Variants in SLC12A8 observed in about 807,000 individuals in gnomAD.
The protein encoded by SLC12A8 is cation-chloride cotransporter 9.
In SLC12A8, 69 loss-of-function variants were observed where a neutral mutation model predicts 75.6. That is an observed-to-expected ratio of 0.91 (90% CI 0.75 to 1.11). The LOEUF (loss-of-function observed/expected upper bound fraction) is 1.11, where lower values mean the gene tolerates loss of function less well. SLC12A8 is among the 50% of genes most tolerant of loss of function. The pLI is 0.00. For synonymous variants in SLC12A8, 365 were observed against 372.8 expected (o/e 0.98, Z 0.24); for missense variants, 877 against 896.7 (o/e 0.98, Z 0.28).
In SLC12A8 at chr3:125,187,356, A is replaced by T; in HGVS notation, c.271T>A (p.Ser91Thr). Reference sequence around the variant, plus strand: ...CTGCGCTCCCCGACGCCAATGCCAGACAGCACCGTGACGAGGGCCACCAGG... The same window carrying T: ...CTGCGCTCCCCGACGCCAATGCCAGTCAGCACCGTGACGAGGGCCACCAGG... Reference protein sequence around the residue: ...VILVALVTVLSGIGVGERSSI... With the variant: ...VILVALVTVLTGIGVGERSSI... Residue 91 changes from serine (S) to threonine (T), a missense_variant, in exon 4 of 14, where the codon TCT (serine) becomes ACT (threonine). Physicochemically the swap from Ser to Thr is moderately conservative, Grantham distance 58. Coordinates refer to ENST00000469902, the MANE Select transcript of SLC12A8 (RefSeq NM_024628.6). The T allele has an allele frequency of 1.9e-6, 3 of 1,614,178 alleles. No individual in the cohort carries two copies. Among genetic ancestry groups the T allele is most frequent in the Non-Finnish European group, 2.5e-6 (3 of 1,180,036 alleles).
chr3:125,123,217 A>T (rs1322674785), intron 6 of SLC12A8, among the ~76,000 whole-genome samples: 1 of 152,096 alleles, frequency 6.6e-6, no homozygotes, highest in East Asian at 1.9e-4. Flanking sequence ...TCTACTAAAA[A>T]TGCAAAAAGT....
intron 13 of SLC12A8, among the ~76,000 whole-genome samples, chr3:125,084,552 C>G (rs753796534): frequency 6.6e-6 from 1 of 152,206 alleles, no homozygotes; most frequent in Non-Finnish European, 1.5e-5. Context: ...GCTTTTGACA[C>G]CAAGGTGGCC....
At chr3:125,180,411 T>C (rs1453310572) in intron 4 of SLC12A8, among the ~76,000 whole-genome samples, 1 of 151,816 alleles carries the variant, frequency 6.6e-6, no homozygotes, top group Non-Finnish European at 1.5e-5. Context: ...GCTCATAGAG[T>C]TGTAGAAACA....
chr3:125,096,306 T>C (rs1226852865), intron 10 of SLC12A8, among the ~76,000 whole-genome samples: 1 of 152,230 alleles, frequency 6.6e-6, no homozygotes, highest in African/African-American at 2.4e-5. Flanking sequence ...GGTCTCTCTT[T>C]ATCCCATTAC....
At chr3:125,136,059 T>C (rs546741419) in intron 5 of SLC12A8, among the ~76,000 whole-genome samples, 1 of 152,348 alleles carries the variant, frequency 6.6e-6, no homozygotes, top group Non-Finnish European at 1.5e-5. Flanking sequence ...TTTTGCTTCA[T>C]AGACTTTAAT....
intron 6 of SLC12A8, among the ~76,000 whole-genome samples, chr3:125,129,178 C>A (rs567704140): frequency 1.6e-4 from 24 of 152,314 alleles, no homozygotes; most frequent in Admixed American, 1.2e-3. Context: ...AATCTGGGAA[C>A]AAGGGTTACA....
At chr3:125,184,447 C>T (rs1172003153) in intron 4 of SLC12A8, among the ~76,000 whole-genome samples, 1 of 152,128 alleles carries the variant, frequency 6.6e-6, no homozygotes, top group Non-Finnish European at 1.5e-5. Context: ...TCTGTGGCTG[C>T]ATTCACACTA....
intron 6 of SLC12A8, among the ~76,000 whole-genome samples, chr3:125,133,669 G>A (rs144260581): frequency 0.011 from 1,659 of 151,892 alleles, 30 homozygotes; most frequent in African/African-American, 0.037. Flanking sequence ...CAGGTGATCC[G>A]GCTGCCTCAG....
chr3:125,190,227 C>T (rs76742851), intron 3 of SLC12A8, 148 bp downstream of exon 3: 16,378 of 812,932 alleles, frequency 0.02, 264 homozygotes, highest in East Asian at 0.067. Context: ...ACAAGCAATG[C>T]TAGCTATTCA....
rs377284521 is a variant in SLC12A8, at chr3:125,092,100, C to A, written c.1803+1G>T. 2 of 1,604,474 alleles carry A rather than the reference C, an allele frequency of 1.2e-6. No individual in the cohort carries two copies. Among genetic ancestry groups the A allele is most frequent in the Non-Finnish European group, 8.5e-7 (1 of 1,171,750 alleles). On this transcript the variant is annotated splice_donor_variant, in intron 11 of 13. Coordinates refer to ENST00000469902, the MANE Select transcript of SLC12A8 (RefSeq NM_024628.6). LOFTEE classifies it high-confidence loss of function. ...ACTGAGATCAAGATGAAGTTACTCA[C>A]CCCCAACAGGGAGACCCAGGGGTTG...
intron 1 of SLC12A8, among the ~76,000 whole-genome samples, 170 bp downstream of exon 1, chr3:125,212,530 T>C (rs373945455): frequency 6.6e-6 from 1 of 152,024 alleles, no homozygotes; most frequent in South Asian, 2.1e-4. Context: ...CCCCAAGTAC[T>C]GGGGCCAGGC....
chr3:125,172,748 TCTTTA>T (rs1411564774), intron 5 of SLC12A8, among the ~76,000 whole-genome samples: 3 of 152,264 alleles, frequency 2.0e-5, no homozygotes, highest in Non-Finnish European at 2.9e-5. Flanking sequence ...AGACTTTCAT[TCTTTA>T]CTTTACTTTT....
chr3:125,090,884 A>C (rs1938565296), intron 12 of SLC12A8, among the ~76,000 whole-genome samples: 1 of 152,200 alleles, frequency 6.6e-6, no homozygotes, highest in Admixed American at 6.5e-5. Context: ...AATCTTTGGC[A>C]TTCAATTAGG....
intron 6 of SLC12A8, among the ~76,000 whole-genome samples, chr3:125,122,352 G>T (rs537001967): frequency 1.5e-4 from 23 of 152,166 alleles, no homozygotes; most frequent in African/African-American, 5.5e-4. Context: ...TGTTGTTGTT[G>T]TTTTTGTTTT....
Position 125,083,928 on chromosome 3 carries a change from A to C in SLC12A8, c.2107T>G (p.Ser703Ala). Residue 703 changes from serine to alanine, a missense_variant, in exon 14 of 14, where the codon TCC becomes GCC. Ser to Ala is a moderately conservative substitution (Grantham distance 99, BLOSUM62 1). Transcript: ENST00000469902. Reference sequence around the variant, plus strand: ...ATCAGCTGCTCCCGGTTCACGAGGGAGGAGTGGTGGTAGCGATCCCGAGTG... The same window carrying C: ...ATCAGCTGCTCCCGGTTCACGAGGGCGGAGTGGTGGTAGCGATCCCGAGTG... ...FATRDRYHHS[S>A]LVNREQLMPH... is the part of the protein sequence containing the mutation. 6.2e-7 allele frequency: 1 copy of C among 1,613,368 alleles called. No individual in the cohort carries two copies. Among genetic ancestry groups the C allele is most frequent in the Non-Finnish European group, 8.5e-7 (1 of 1,179,776 alleles).
chr3:125,108,234 CT>C, intron 9 of SLC12A8, 108 bp from the exon 10 acceptor site: 1 of 1,082,308 alleles, frequency 9.2e-7, no homozygotes, highest in African/African-American at 1.6e-5. Flanking sequence ...TCAGCCACTT[CT>C]CCCCATGTGA....
intron 2 of SLC12A8, among the ~76,000 whole-genome samples, chr3:125,209,032 T>G (rs1935287146): frequency 6.6e-6 from 1 of 152,108 alleles, no homozygotes; most frequent in Non-Finnish European, 1.5e-5. Flanking sequence ...CCTAATCTTG[T>G]GTTCTGCAGG....
At chr3:125,166,328 T>A (rs1017954050) in intron 5 of SLC12A8, among the ~76,000 whole-genome samples, 15 of 76,254 alleles carry the variant, frequency 2.0e-4, no homozygotes, top group African/African-American at 4.7e-4. Context: ...CCCCATCTCG[T>A]CTCTTTTCCA....
intron 2 of SLC12A8, among the ~76,000 whole-genome samples, chr3:125,193,290 A>T (rs1934942142): frequency 6.6e-6 from 1 of 152,152 alleles, no homozygotes. Flanking sequence ...GAATCACTTG[A>T]ACCTGGGAGG....
Sources: gnomAD v4.1 joint callset for allele counts (sites outside exome capture counted in the v4.1 genomes callset) on GRCh38, gnomAD v4.1.1 for gene constraint, MANE v1.5 for transcripts, NCBI Gene and HGNC (gene_info 2026-07-23, HGNC 2026-07-21) for gene names.